The following PRKG1 variants were observed in gnomAD, a reference collection of about 807,000 sequenced individuals.
PRKG1 encodes cGMP-dependent protein kinase 1.
PRKG1 carries 35 observed loss-of-function variants against 88.1 expected under a neutral mutation model. That is an observed-to-expected ratio of 0.40 (90% CI 0.30 to 0.53). The LOEUF (loss-of-function observed/expected upper bound fraction) is 0.53. Among genes scored for constraint, PRKG1 ranks in the 20% least tolerant of loss-of-function variants. The probability of loss-of-function intolerance (pLI) is 0.59; values close to 1 mark genes in which losing one functional copy is unlikely to be tolerated. For synonymous variants in PRKG1, 303 were observed against 292.5 expected, an observed-to-expected ratio of 1.04 and a Z score of -0.37; for missense variants, 540 against 839.8, an observed-to-expected ratio of 0.64 and a Z score of 4.41.
In PRKG1 at chr10:52,294,125, G is replaced by A; in HGVS notation, c.*225G>A. Reference sequence around the variant, plus strand: ...ACCTAAAATAGCAGTTGACATGGTGGTCCTGAAGCAAAGCCTTTCACCAGT... The same window carrying A: ...ACCTAAAATAGCAGTTGACATGGTGATCCTGAAGCAAAGCCTTTCACCAGT... On this transcript the variant is annotated 3_prime_UTR_variant, in exon 18 of 18. Transcript: ENST00000373980. 2.3e-6 allele frequency: 1 copy of A among 427,270 alleles called. No homozygotes were observed. Among genetic ancestry groups the A allele is most frequent in the South Asian group, 4.8e-5 (1 of 20,694 alleles). 26.5% of individuals were successfully genotyped at this position (427,270 alleles called of 1,614,324 possible). A position where few individuals can be genotyped will look rare whatever the true frequency, so the allele number is the denominator to read the frequency against.
intron 4 of PRKG1, among the ~76,000 whole-genome samples, chr10:51,838,451 C>G (rs1415443459): frequency 6.6e-6 from 1 of 152,082 alleles, no homozygotes; most frequent in Non-Finnish European, 1.5e-5. Flanking sequence ...CCCTATAAAA[C>G]CTCTGGGCAG....
chr10:51,730,821 A>G (rs1196929448), intron 3 of PRKG1, among the ~76,000 whole-genome samples: 1 of 152,246 alleles, frequency 6.6e-6, no homozygotes, highest in Non-Finnish European at 1.5e-5. Flanking sequence ...AATAACAGAT[A>G]TATGATCAGG....
intron 7 of PRKG1, among the ~76,000 whole-genome samples, chr10:52,102,809 A>G (rs937517100): frequency 1.3e-5 from 2 of 151,996 alleles, no homozygotes; most frequent in African/African-American, 4.8e-5. Flanking sequence ...TCCACTTACT[A>G]AAGACTGCTT....
chr10:51,005,964 G>A (rs1312788401), intron 1 of PRKG1, among the ~76,000 whole-genome samples: 3 of 152,162 alleles, frequency 2.0e-5, no homozygotes, highest in African/African-American at 4.8e-5. Flanking sequence ...AGAGATATGG[G>A]TTAGGGGCTG....
At chr10:51,911,897 T>G (rs1842225255) in intron 5 of PRKG1, among the ~76,000 whole-genome samples, 1 of 152,226 alleles carries the variant, frequency 6.6e-6, no homozygotes, top group African/African-American at 2.4e-5. Context: ...ACAAAGAAGT[T>G]TATAGCTTTG....
chr10:51,290,235 G>C (rs886476975), intron 2 of PRKG1, among the ~76,000 whole-genome samples: 1 of 151,910 alleles, frequency 6.6e-6, no homozygotes, highest in Admixed American at 6.6e-5. Context: ...GCGAGATGCT[G>C]TCTCAAAAAA....
chr10:51,464,870 G>C (rs975806739), intron 2 of PRKG1, among the ~76,000 whole-genome samples: 12 of 131,386 alleles, frequency 9.1e-5, no homozygotes, highest in African/African-American at 3.2e-4. Context: ...CAGCCTGGGC[G>C]ACAGAGCGAG....
chr10:52,024,810 A>C (rs1845290618), intron 5 of PRKG1, among the ~76,000 whole-genome samples: 1 of 152,204 alleles, frequency 6.6e-6, no homozygotes, highest in South Asian at 2.1e-4. Context: ...GTGTCTTTAT[A>C]GTAGCATGAT....
chr10:51,148,580 A>T (rs1044239440), intron 1 of PRKG1, among the ~76,000 whole-genome samples: 1 of 152,108 alleles, frequency 6.6e-6, no homozygotes, highest in African/African-American at 2.4e-5. Context: ...GATCTAAAAC[A>T]TGAGTGAAAG....
chr10:51,856,984 A>AC, intron 4 of PRKG1, among the ~76,000 whole-genome samples: 1 of 147,436 alleles, frequency 6.8e-6, no homozygotes, highest in Non-Finnish European at 1.5e-5. Context: ...AGAAAAAAAA[A>AC]AAAAGAAAGA....
chr10:52,088,811 G>A (rs1323511703), intron 7 of PRKG1, among the ~76,000 whole-genome samples: 1 of 152,082 alleles, frequency 6.6e-6, no homozygotes, highest in Non-Finnish European at 1.5e-5. Flanking sequence ...CAAAAATGAT[G>A]CCCAATCACC....
chr10:51,630,530 G>C (rs960801119), intron 3 of PRKG1, among the ~76,000 whole-genome samples: 1 of 152,156 alleles, frequency 6.6e-6, no homozygotes, highest in African/African-American at 2.4e-5. Flanking sequence ...CAGCTGTGCT[G>C]TTGGTTGGCA....
chr10:51,204,975 T>C (rs878952297), intron 2 of PRKG1, among the ~76,000 whole-genome samples: 1 of 152,062 alleles, frequency 6.6e-6, no homozygotes, highest in Admixed American at 6.5e-5. Context: ...TACTTTCCCA[T>C]GCTGTTGGAT....
At chr10:51,128,685 AG>A (rs1845492017) in intron 1 of PRKG1, among the ~76,000 whole-genome samples, 2 of 152,216 alleles carry the variant, frequency 1.3e-5, no homozygotes, top group Non-Finnish European at 2.9e-5. Context: ...AGCCTTTTGT[AG>A]AATCTTACTT....
intron 2 of PRKG1, among the ~76,000 whole-genome samples, chr10:51,158,957 G>T (rs996330529): frequency 6.6e-6 from 1 of 151,778 alleles, no homozygotes; most frequent in Non-Finnish European, 1.5e-5. Flanking sequence ...TGTTGTTATT[G>T]AACTGAGACT....
intron 7 of PRKG1, among the ~76,000 whole-genome samples, chr10:52,129,157 G>T (rs145948263): frequency 6.6e-6 from 1 of 152,046 alleles, no homozygotes; most frequent in African/African-American, 2.4e-5. Context: ...CTTCTAAACC[G>T]CTCTGACGTG....
In PRKG1 at chr10:51,008,156, C is replaced by T. The variant is rs148406373; in HGVS notation, c.266+16512C>T. Among the ~76,000 whole-genome samples the T allele has an allele frequency of 8.6e-4, 131 of 152,266 alleles. 1 individual carries two copies. Among genetic ancestry groups the T allele is most frequent in the Non-Finnish European group, 2.2e-4 (15 of 68,030 alleles). The stretch of plus-strand genomic sequence containing the variant: ...GCCCAGTTCTTCTCAAACTGTAGTA[C>T]GTATAAACATCTCTTGGGTTCCATT... On this transcript the variant is annotated intron_variant, in intron 1 of 17. Coordinates refer to the PRKG1 transcript ENST00000401604.
intron 2 of PRKG1, among the ~76,000 whole-genome samples, chr10:51,330,740 G>A (rs1841719555): frequency 6.6e-6 from 1 of 151,932 alleles, no homozygotes; most frequent in African/African-American, 2.4e-5. Flanking sequence ...TTGGTGAATT[G>A]TTTCTTTATA....
intron 2 of PRKG1, among the ~76,000 whole-genome samples, chr10:51,441,742 A>C (rs1272198670): frequency 1.3e-5 from 2 of 152,024 alleles, no homozygotes; most frequent in Non-Finnish European, 2.9e-5. Context: ...AGCATTGATC[A>C]TTATAACCTT....
Sources: gnomAD v4.1 joint callset for allele counts (sites outside exome capture counted in the v4.1 genomes callset) on GRCh38, gnomAD v4.1.1 for gene constraint, MANE v1.5 for transcripts, NCBI Gene and HGNC (gene_info 2026-07-23, HGNC 2026-07-21) for gene names.